The following MACROD2 variants were observed in gnomAD, a reference collection of about 807,000 sequenced individuals.
MACROD2 encodes the protein mono-ADP ribosylhydrolase 2.
MACROD2 carries 36 observed loss-of-function variants against 70.4 expected under a neutral mutation model. That is an observed-to-expected ratio of 0.51 (90% confidence interval 0.39 to 0.68). The LOEUF (loss-of-function observed/expected upper bound fraction) is 0.68, where lower values mean the gene tolerates loss of function less well. Among genes scored for constraint, MACROD2 ranks in the 30% least tolerant of loss-of-function variants. The probability of loss-of-function intolerance (pLI) is 0.00; values close to 1 mark genes in which losing one functional copy is unlikely to be tolerated. For missense variants in MACROD2, 496 were observed against 538.4 expected, an observed-to-expected ratio of 0.92 and a Z score of 0.78; for synonymous variants, 172 against 178.8, an observed-to-expected ratio of 0.96 and a Z score of 0.30.
At chr20:14,756,647 C>T (rs938692094) in intron 5 of MACROD2, among the ~76,000 whole-genome samples, 1 of 152,086 alleles carries the variant, frequency 6.6e-6, no homozygotes, top group African/African-American at 2.4e-5. Context: ...CTTTAGACTA[C>T]TGCTCCTAGC....
chr20:14,772,316 G>A (rs1014599934), intron 5 of MACROD2, among the ~76,000 whole-genome samples: 1 of 151,906 alleles, frequency 6.6e-6, no homozygotes, highest in Non-Finnish European at 1.5e-5. Context: ...TAGTATATGT[G>A]TATTAGTTCA....
intron 13 of MACROD2, among the ~76,000 whole-genome samples, chr20:15,973,703 A>G (rs918808292): frequency 1.3e-5 from 2 of 152,228 alleles, no homozygotes; most frequent in Admixed American, 1.3e-4. Flanking sequence ...AAACTCAATA[A>G]AAAGGTAAAG....
At chr20:14,076,627 T>C (rs970686018) in intron 2 of MACROD2, among the ~76,000 whole-genome samples, 2 of 152,128 alleles carry the variant, frequency 1.3e-5, no homozygotes, top group Admixed American at 1.3e-4. Context: ...TGCAGTGAGC[T>C]GAGATTTCAC....
chr20:15,786,066 G>A (rs1484894799), intron 8 of MACROD2, among the ~76,000 whole-genome samples: 5 of 151,662 alleles, frequency 3.3e-5, no homozygotes, highest in Admixed American at 6.6e-5. Flanking sequence ...ACATAAAAGC[G>A]TTAGAGTTAA....
intron 3 of MACROD2, among the ~76,000 whole-genome samples, chr20:14,394,722 G>T (rs1324837359): frequency 1.3e-5 from 2 of 152,126 alleles, no homozygotes; most frequent in African/African-American, 4.8e-5. Flanking sequence ...AATGTTAGCT[G>T]CAGGTTGTTT....
chr20:14,480,314 A>T (rs1479017558), intron 3 of MACROD2, among the ~76,000 whole-genome samples: 1 of 152,214 alleles, frequency 6.6e-6, no homozygotes, highest in Non-Finnish European at 1.5e-5. Context: ...ATTGGCATAG[A>T]GGTTTCAGTA....
chr20:15,793,945 ATATTT>A (rs1433965415), intron 8 of MACROD2, among the ~76,000 whole-genome samples: 22 of 147,792 alleles, frequency 1.5e-4, no homozygotes, highest in African/African-American at 5.1e-4. Context: ...ATAATAAAAG[ATATTT>A]TATATATAAT....
At chr20:14,536,311 C>G (rs945651008) in intron 4 of MACROD2, among the ~76,000 whole-genome samples, 2 of 152,002 alleles carry the variant, frequency 1.3e-5, no homozygotes, top group African/African-American at 4.8e-5. Context: ...ACTTTTATGT[C>G]TCAAGTGGAG....
intron 3 of MACROD2, among the ~76,000 whole-genome samples, chr20:14,357,824 A>C (rs1288439457): frequency 6.6e-6 from 1 of 152,238 alleles, no homozygotes; most frequent in Non-Finnish European, 1.5e-5. Context: ...GATACAATTC[A>C]TGCAAATAAA....
chr20:15,783,104 G>A (rs1029295910), intron 8 of MACROD2, among the ~76,000 whole-genome samples: 2 of 151,918 alleles, frequency 1.3e-5, no homozygotes, highest in African/African-American at 4.8e-5. Flanking sequence ...GCATATGTAT[G>A]CCTGTATGTG....
intron 15 of MACROD2, among the ~76,000 whole-genome samples, chr20:16,017,876 G>A (rs1382001707): frequency 6.6e-6 from 1 of 152,194 alleles, no homozygotes; most frequent in Non-Finnish European, 1.5e-5. Flanking sequence ...CCCCATGACA[G>A]CACCAGCCAC....
At chr20:14,172,559 C>T (rs548114592) in intron 3 of MACROD2, among the ~76,000 whole-genome samples, 2 of 152,290 alleles carry the variant, frequency 1.3e-5, no homozygotes, top group South Asian at 4.1e-4. Flanking sequence ...CCTGCCTCGG[C>T]CTCCCAAAAT....
intron 4 of MACROD2, among the ~76,000 whole-genome samples, chr20:14,603,737 A>G (rs185626196): frequency 6.6e-6 from 1 of 152,288 alleles, no homozygotes; most frequent in East Asian, 1.9e-4. Flanking sequence ...GGAGAGTTTT[A>G]TTGTCATCAA....
chr20:14,042,687 A>G (rs1402001219), intron 2 of MACROD2, among the ~76,000 whole-genome samples: 1 of 152,114 alleles, frequency 6.6e-6, no homozygotes, highest in Non-Finnish European at 1.5e-5. Flanking sequence ...TTTAGTAGAG[A>G]TGGGGTTTCA....
intron 5 of MACROD2, among the ~76,000 whole-genome samples, chr20:14,833,121 G>A (rs139852786): frequency 8.5e-5 from 13 of 152,266 alleles, no homozygotes; most frequent in East Asian, 5.8e-4. Context: ...TTTAGTTAAC[G>A]TAAGTGTAAA....
chr20:15,367,040 T>C (rs1388357257), intron 6 of MACROD2, among the ~76,000 whole-genome samples: 2 of 151,678 alleles, frequency 1.3e-5, no homozygotes, highest in African/African-American at 4.8e-5. Context: ...ATTTTTTTTT[T>C]TTTTTGAGAG....
At chr20:14,679,058 A>G (rs1232303443) in intron 4 of MACROD2, among the ~76,000 whole-genome samples, 1 of 152,166 alleles carries the variant, frequency 6.6e-6, no homozygotes. Context: ...GGGATATACA[A>G]AAGAATAAGC....
At chr20:14,572,425 C>T (rs1980254298) in intron 4 of MACROD2, among the ~76,000 whole-genome samples, 1 of 151,922 alleles carries the variant, frequency 6.6e-6, no homozygotes, top group South Asian at 2.1e-4. Context: ...CAGTGTTACT[C>T]CTAGGTGTAT....
intron 5 of MACROD2, among the ~76,000 whole-genome samples, chr20:14,853,235 T>G (rs1458111243): frequency 2.0e-5 from 3 of 151,142 alleles, no homozygotes; most frequent in Non-Finnish European, 4.4e-5. Flanking sequence ...TTGTGACATA[T>G]AAAGCAACAG....
Sources: allele counts gnomAD v4.1 joint callset (sites outside exome capture counted in the v4.1 genomes callset), GRCh38; gene constraint gnomAD v4.1.1; transcripts MANE v1.5; gene names NCBI Gene and HGNC (gene_info 2026-07-23, HGNC 2026-07-21).